Variants in RORA observed in about 807,000 individuals in gnomAD.
RORA encodes the protein RAR related orphan receptor A.
Under a neutral mutation model 69.5 loss-of-function variants are expected in RORA, and 7 were observed. That is an observed-to-expected ratio of 0.10 (90% CI 0.06 to 0.19). The LOEUF is 0.19. RORA is among the 10% of genes least tolerant of loss of function. The pLI, the probability that RORA is intolerant of heterozygous loss-of-function variation, is 1.00. For synonymous variants in RORA, 261 were observed against 240.8 expected, an observed-to-expected ratio of 1.08 and a Z score of -0.78; for missense variants, 457 against 663.0, an observed-to-expected ratio of 0.69 and a Z score of 3.41.
intron 1 of RORA, among the ~76,000 whole-genome samples, chr15:60,863,954 G>A (rs1031470776): frequency 5.3e-5 from 8 of 152,106 alleles, no homozygotes; most frequent in South Asian, 4.1e-4. Flanking sequence ...CTACAGGTGC[G>A]TGCCACTGTG....
At chr15:60,662,744 T>C (rs2070322938) in intron 2 of RORA, among the ~76,000 whole-genome samples, 1 of 152,160 alleles carries the variant, frequency 6.6e-6, no homozygotes, top group Admixed American at 6.6e-5. Context: ...AGCAATAAAA[T>C]ATGTGTCATT....
intron 1 of RORA, among the ~76,000 whole-genome samples, chr15:60,799,978 A>G (rs1011203216): frequency 6.6e-6 from 1 of 152,192 alleles, no homozygotes; most frequent in African/African-American, 2.4e-5. Context: ...TCTGTTTCCT[A>G]TAGAGGGCTG....
intron 1 of RORA, among the ~76,000 whole-genome samples, chr15:61,141,424 AGC>A (rs1302757136): frequency 6.6e-6 from 1 of 152,234 alleles, no homozygotes; most frequent in Admixed American, 6.5e-5. Flanking sequence ...GCTTAGGACT[AGC>A]GAGAGACACC....
At chr15:60,500,100 A>G (rs558009714) in intron 9 of RORA, 96 bp from the exon 10 acceptor site, 111 of 732,698 alleles carry the variant, frequency 1.5e-4, no homozygotes, top group Non-Finnish European at 2.3e-4. Context: ...TTATATCACA[A>G]TGAATATTTA....
chr15:61,127,791 C>A (rs1420168452), intron 1 of RORA, among the ~76,000 whole-genome samples: 1 of 152,180 alleles, frequency 6.6e-6, no homozygotes, highest in Non-Finnish European at 1.5e-5. Flanking sequence ...CCAGACAGAT[C>A]ACCCAGCACA....
intron 1 of RORA, among the ~76,000 whole-genome samples, chr15:60,697,286 C>A (rs1236191018): frequency 6.6e-6 from 1 of 152,126 alleles, no homozygotes; most frequent in Non-Finnish European, 1.5e-5. Context: ...AATGCCAAGC[C>A]CATTGGAATA....
chr15:60,746,603 A>T (rs1426841891), intron 1 of RORA, among the ~76,000 whole-genome samples: 1 of 152,220 alleles, frequency 6.6e-6, no homozygotes, highest in East Asian at 1.9e-4. Context: ...AACCTTTGAA[A>T]GACAAACCCA....
chr15:61,015,041 C>A (rs1895232113), intron 1 of RORA, among the ~76,000 whole-genome samples: 1 of 152,208 alleles, frequency 6.6e-6, no homozygotes, highest in Non-Finnish European at 1.5e-5. Flanking sequence ...TCTCCTATAG[C>A]CCGAAGCTCG....
At chr15:61,218,960 T>C (rs8024334) in intron 1 of RORA, among the ~76,000 whole-genome samples, 15,997 of 152,216 alleles carry the variant, frequency 0.11, 1,348 homozygotes, top group East Asian at 0.22. Flanking sequence ...GCTGTGGGCC[T>C]CCTGGCTGTG....
At chr15:61,003,992 A>T (rs1028868404) in intron 1 of RORA, among the ~76,000 whole-genome samples, 1 of 144,730 alleles carries the variant, frequency 6.9e-6, no homozygotes, top group African/African-American at 2.7e-5. Flanking sequence ...ATCTTTTTTC[A>T]TGGCCCAAAA....
chr15:60,955,901 G>A (rs548982326), intron 1 of RORA, among the ~76,000 whole-genome samples: 1 of 152,292 alleles, frequency 6.6e-6, no homozygotes, highest in South Asian at 2.1e-4. Context: ...CTGCAAAGAG[G>A]TCAGATGACA....
chr15:60,873,952 C>A (rs980492143), intron 1 of RORA, among the ~76,000 whole-genome samples: 1 of 152,050 alleles, frequency 6.6e-6, no homozygotes, highest in African/African-American at 2.4e-5. Flanking sequence ...AAATATTCGC[C>A]AATTAGCTTA....
chr15:61,152,748 T>A (rs1271722004), intron 1 of RORA, among the ~76,000 whole-genome samples: 2 of 152,180 alleles, frequency 1.3e-5, no homozygotes, highest in Non-Finnish European at 2.9e-5. Flanking sequence ...GACTCAAAGA[T>A]ATTTATTAGG....
At chr15:60,917,454 C>A (rs1891910057) in intron 1 of RORA, among the ~76,000 whole-genome samples, 1 of 152,100 alleles carries the variant, frequency 6.6e-6, no homozygotes, top group South Asian at 2.1e-4. Flanking sequence ...AGGAAAGTGG[C>A]CTTTCTTGGT....
chr15:60,798,238 AC>A (rs2072526543), intron 1 of RORA, among the ~76,000 whole-genome samples: 1 of 18,170 alleles, frequency 5.5e-5, no homozygotes, highest in Non-Finnish European at 3.4e-4. Flanking sequence ...ACACACACAC[AC>A]ACACACACAC....
chr15:61,107,590 A>C (rs2140771740), intron 1 of RORA, among the ~76,000 whole-genome samples: 1 of 151,844 alleles, frequency 6.6e-6, no homozygotes, highest in East Asian at 1.9e-4. Flanking sequence ...TTGTCAAACA[A>C]CCTCAAGCAC....
chr15:60,590,704 G>A lies in RORA; in HGVS notation c.197-58853C>T, dbSNP rs2140516210. ...ACTAGCATAAAAGTTTTTTGGGGGG[G>A]TGGGGGAGAATAGATTTTTTAACAT... On this transcript the variant is annotated intron_variant, in intron 2 of 10. Coordinates refer to ENST00000335670, the MANE Select transcript of RORA (RefSeq NM_134261.3). Among the ~76,000 whole-genome samples the A allele has an allele frequency of 2.0e-5, 3 of 151,962 alleles. No individual in the cohort carries two copies. The South Asian group carries it at 6.3e-4, about 32-fold the overall frequency.
intron 1 of RORA, among the ~76,000 whole-genome samples, chr15:60,986,799 T>C (rs3803482): frequency 0.77 from 117,280 of 152,160 alleles, 45,625 homozygotes; most frequent in African/African-American, 0.88. Context: ...GCTGGGCCAG[T>C]AGGATTGTAG....
Position 61,172,830 on chromosome 15 carries a change from G to C in RORA, c.166+56223C>G, listed in dbSNP as rs1366923786. The stretch of plus-strand genomic sequence containing the variant: ...GGGTCCCCTAAGGAGCATGTATCCT[G>C]GGCTGGGAGGAGCTAAAAAAAAGGC... On this transcript the variant is annotated intron_variant, in intron 1 of 10. Coordinates refer to ENST00000335670, the MANE Select transcript of RORA (RefSeq NM_134261.3). Among the ~76,000 whole-genome samples, 3 of 152,058 alleles carry C rather than the reference G, an allele frequency of 2.0e-5. No individual in the cohort carries two copies. In the East Asian group the frequency reaches 5.8e-4, roughly 29 times the overall value.
Sources: allele counts gnomAD v4.1 joint callset (sites outside exome capture counted in the v4.1 genomes callset), GRCh38; gene constraint gnomAD v4.1.1; transcripts MANE v1.5; gene names NCBI Gene and HGNC (gene_info 2026-07-23, HGNC 2026-07-21).